Variants in RAD51B observed in about 807,000 individuals in gnomAD.
RAD51B encodes the protein RAD51 paralog B, also known as DNA repair protein RAD51 homolog 2.
In RAD51B, 38 loss-of-function variants were observed where a neutral mutation model predicts 42.2. The observed-to-expected ratio is 0.90, with a 90% CI of 0.70 to 1.18. The LOEUF is 1.18. Ranked by LOEUF, RAD51B falls within the 50% of genes most tolerant of loss-of-function variation. The probability of loss-of-function intolerance (pLI) is 0.00; values close to 1 mark genes in which losing one functional copy is unlikely to be tolerated. For synonymous variants in RAD51B, 154 were observed against 145.2 expected, an observed-to-expected ratio of 1.06 and a Z score of -0.43; for missense variants, 373 against 400.7, an observed-to-expected ratio of 0.93 and a Z score of 0.59.
chr14:68,256,798 G>T (rs2080762784), intron 7 of RAD51B, among the ~76,000 whole-genome samples: 1 of 151,876 alleles, frequency 6.6e-6, no homozygotes, highest in Non-Finnish European at 1.5e-5. Flanking sequence ...GATACAAAAA[G>T]AAAAACTTTT....
intron 10 of RAD51B, among the ~76,000 whole-genome samples, chr14:68,624,143 C>T (rs926616673): frequency 6.6e-6 from 1 of 152,206 alleles, no homozygotes; most frequent in African/African-American, 2.4e-5. Context: ...CTCTTGGTTT[C>T]GTCTGAATGG....
intron 10 of RAD51B, among the ~76,000 whole-genome samples, chr14:68,525,044 A>G (rs146503069): frequency 1.3e-5 from 2 of 152,358 alleles, no homozygotes; most frequent in East Asian, 3.9e-4. Flanking sequence ...AAAGGTGCTA[A>G]TCAGTTGGCT....
intron 10 of RAD51B, among the ~76,000 whole-genome samples, chr14:68,521,434 T>C (rs549786452): frequency 6.6e-6 from 1 of 152,332 alleles, no homozygotes; most frequent in Admixed American, 6.5e-5. Flanking sequence ...AGTTATTACT[T>C]TCTGTTCCTT....
intron 10 of RAD51B, chr14:68,563,463 A>T: frequency 1.0e-6 from 1 of 985,484 alleles, no homozygotes; most frequent in Non-Finnish European, 1.2e-6. Context: ...CAGAGTACAC[A>T]TGTTGTGAAA....
At chr14:67,991,223 C>T (rs1248852231) in intron 7 of RAD51B, among the ~76,000 whole-genome samples, 2 of 152,168 alleles carry the variant, frequency 1.3e-5, no homozygotes, top group African/African-American at 2.4e-5. Context: ...AGACCCTAAA[C>T]ATCTGTAGGT....
chr14:68,095,594 C>T (rs957153467), intron 7 of RAD51B, among the ~76,000 whole-genome samples: 1 of 152,108 alleles, frequency 6.6e-6, no homozygotes, highest in African/African-American at 2.4e-5. Context: ...CATCCCCATT[C>T]ATTTTGGTAT....
At chr14:68,327,211 T>A (rs952740243) in intron 8 of RAD51B, among the ~76,000 whole-genome samples, 4 of 152,192 alleles carry the variant, frequency 2.6e-5, no homozygotes, top group Admixed American at 6.5e-5. Flanking sequence ...AAAGTATTTC[T>A]GCCATAGTTC....
At position 68,032,020 on chromosome 14, in the gene RAD51B, C is replaced by T. The variant is rs368359188; in HGVS notation, c.756+144816C>T. On this transcript the variant is annotated intron_variant, in intron 7 of 10. Transcript: ENST00000471583. ...GTAGCCTAGTGATTATGAGCATGGA[C>T]TTTACAATCAGGCTTTGTGTCTGAT... Among the ~76,000 whole-genome samples the T allele has an allele frequency of 3.3e-3, 462 of 140,142 alleles. 29 individuals are homozygous for T. The South Asian group carries it at 0.096, about 29-fold the overall frequency. The allele number at this position is 140,142 out of a possible 152,430, so 91.9% of individuals were successfully genotyped here. A position where few individuals can be genotyped will look rare whatever the true frequency, so the allele number is the denominator to read the frequency against.
intron 7 of RAD51B, among the ~76,000 whole-genome samples, chr14:68,198,636 T>C (rs939070220): frequency 2.7e-4 from 41 of 152,324 alleles, no homozygotes; most frequent in African/African-American, 9.9e-4. Context: ...TGGTTCTCAG[T>C]GCAGAGGATT....
At position 68,258,431 on chromosome 14, in the gene RAD51B, ACTCT is replaced by A. The variant is rs535522450; in HGVS notation, c.757-33443_757-33440del. The stretch of plus-strand genomic sequence containing the variant: ...ACCACACACACACACACACACACAC[ACTCT>A]CTCTCTCTCACACACACACACACAA... On this transcript the variant is annotated intron_variant, in intron 7 of 10. Transcript: ENST00000471583. Among the ~76,000 whole-genome samples, 600 of 149,104 alleles carry A rather than the reference ACTCT, an allele frequency of 4.0e-3. 2 individuals are homozygous for A. The highest frequency in any genetic ancestry group is 0.011 in the South Asian group (51 of 4,694).
At chr14:68,657,611 T>C (rs531838768) in intron 11 of RAD51B, among the ~76,000 whole-genome samples, 2 of 152,308 alleles carry the variant, frequency 1.3e-5, no homozygotes, top group East Asian at 3.9e-4. Flanking sequence ...CAGAGATCAG[T>C]CTGGTGGCTT....
chr14:68,600,102 G>A (rs1303535805), downstream of RAD51B, among the ~76,000 whole-genome samples: 1 of 152,220 alleles, frequency 6.6e-6, no homozygotes, highest in Non-Finnish European at 1.5e-5. Flanking sequence ...GCAGGCAGGT[G>A]TGGGAAAGCC....
At chr14:68,089,270 T>C (rs1393032728) in intron 7 of RAD51B, among the ~76,000 whole-genome samples, 1 of 152,220 alleles carries the variant, frequency 6.6e-6, no homozygotes, top group Non-Finnish European at 1.5e-5. Context: ...ACACAAAGGC[T>C]GACGGTGTTG....
intron 9 of RAD51B, among the ~76,000 whole-genome samples, chr14:68,461,701 C>T (rs2085850386): frequency 6.6e-6 from 1 of 152,166 alleles, no homozygotes; most frequent in Admixed American, 6.5e-5. Context: ...TGCAGACACA[C>T]CTGAGAGGGC....
intron 9 of RAD51B, among the ~76,000 whole-genome samples, chr14:68,462,962 C>T (rs1440974449): frequency 6.6e-6 from 1 of 152,198 alleles, no homozygotes; most frequent in African/African-American, 2.4e-5. Context: ...AACTTTCACA[C>T]ATTGCACACA....
rs559805596 is a variant in RAD51B, at chr14:68,077,242, G to A, written c.756+190038G>A. ...GTTAATGGTAGAAGACTATGATTTAGACTGTTTGTTGTCAATTTCACACAA... is the reference window on the plus strand; with the variant it reads ...GTTAATGGTAGAAGACTATGATTTAAACTGTTTGTTGTCAATTTCACACAA... On this transcript the variant is annotated intron_variant, in intron 7 of 10. Coordinates refer to ENST00000471583, the MANE Select transcript of RAD51B (RefSeq NM_133510.4). Among the ~76,000 whole-genome samples the A allele has an allele frequency of 3.9e-5, 6 of 152,264 alleles. No homozygotes were observed. The East Asian group carries it at 1.2e-3, about 29-fold the overall frequency.
intron 10 of RAD51B, among the ~76,000 whole-genome samples, chr14:68,633,604 AAG>A (rs1363803508): frequency 1.3e-5 from 2 of 152,170 alleles, no homozygotes; most frequent in Admixed American, 6.5e-5. Context: ...TCCAGCCCAC[AAG>A]AGTCTATTGT....
At chr14:68,421,555 G>A in intron 9 of RAD51B, 1 of 657,846 alleles carries the variant, frequency 1.5e-6, no homozygotes. Context: ...GGCATGGGAG[G>A]GAACAAGGAA....
intron 8 of RAD51B, among the ~76,000 whole-genome samples, chr14:68,324,245 C>A (rs2139775420): frequency 6.6e-6 from 1 of 152,212 alleles, no homozygotes; most frequent in Non-Finnish European, 1.5e-5. Flanking sequence ...CCATTTGAGC[C>A]CAAGTAGATT....
Sources: gnomAD v4.1 joint callset for allele counts (sites outside exome capture counted in the v4.1 genomes callset) on GRCh38, gnomAD v4.1.1 for gene constraint, MANE v1.5 for transcripts, NCBI Gene and HGNC (gene_info 2026-07-23, HGNC 2026-07-21) for gene names.